The following BAP1 variants were observed in gnomAD, a reference collection of about 807,000 sequenced individuals.
The protein encoded by BAP1 is ubiquitin carboxyl-terminal hydrolase BAP1.
BAP1 carries 16 observed loss-of-function variants against 77.2 expected under a neutral mutation model. The observed-to-expected ratio is 0.21, with a 90% CI of 0.14 to 0.31. BAP1 has a LOEUF of 0.31. BAP1 is among the 10% of genes least tolerant of loss of function. The pLI, the probability that BAP1 is intolerant of heterozygous loss-of-function variation, is 1.00. For synonymous variants in BAP1, 362 were observed against 385.2 expected, an observed-to-expected ratio of 0.94 and a Z score of 0.71; for missense variants, 699 against 967.3, an observed-to-expected ratio of 0.72 and a Z score of 3.68.
In BAP1 at chr3:52,403,371, C is replaced by T. The variant is rs1274244239; in HGVS notation, c.1729+45G>A. ...TGGTCACTTGGCCACTTCCCTCCTCCCTCCTGGGTGCACCAAGTGGCCAGT... is the reference window on the plus strand; with the variant it reads ...TGGTCACTTGGCCACTTCCCTCCTCTCTCCTGGGTGCACCAAGTGGCCAGT... On this transcript the variant is annotated intron_variant, in intron 13 of 16. Transcript: ENST00000460680. The surrounding 1 kb of genome is among the most constrained non-coding windows in gnomAD (Gnocchi z 4.0). 2 of 1,612,306 alleles carry T rather than the reference C, an allele frequency of 1.2e-6. No homozygotes were observed. The highest frequency in any genetic ancestry group is 1.7e-5 in the Admixed American group (1 of 60,010).
In BAP1 at chr3:52,404,626, C is replaced by T. The variant is rs145366930; in HGVS notation, c.1117-40G>A. The T allele has an allele frequency of 2.3e-4, 365 of 1,598,418 alleles. No individual in the cohort carries two copies. Among genetic ancestry groups the T allele is most frequent in the Admixed American group, 6.6e-4 (38 of 57,174 alleles). The stretch of plus-strand genomic sequence containing the variant: ...AGGGCAGTTACAAACAAGTGCTGCT[C>T]GGCCCAGGCTGAGCCTAGACACTCA... On this transcript the variant is annotated intron_variant, in intron 11 of 16. Coordinates refer to ENST00000460680, the MANE Select transcript of BAP1 (RefSeq NM_004656.4).
rs1705018246 is a variant in BAP1 at position 52,403,092 on chromosome 3, T to A, written c.1890+46A>T. ...CACCTGGGCAGGAGGAGCTCAGGCCTTACCCTCTGCCAGGATTAAAGGAGA... is the reference window on the plus strand; with the variant it reads ...CACCTGGGCAGGAGGAGCTCAGGCCATACCCTCTGCCAGGATTAAAGGAGA... On this transcript the variant is annotated intron_variant, in intron 14 of 16. Coordinates refer to ENST00000460680, the MANE Select transcript of BAP1 (RefSeq NM_004656.4). This position sits in a 1 kb window ranked among gnomAD's most constrained non-coding sequence, Gnocchi z 4.0. 1 of 1,607,200 alleles carries A rather than the reference T, an allele frequency of 6.2e-7. No individual in the cohort carries two copies. The highest frequency in any genetic ancestry group is 1.7e-5 in the Admixed American group (1 of 60,008).
In BAP1 at chr3:52,402,507, G is replaced by A. The variant is rs965169634; in HGVS notation, c.2057-86C>T. ...CTCATGGCCCTCCCTGTGCCCCAAG[G>A]TCTGCTCAAGCCTCAGGAGAGGCCA... On this transcript the variant is annotated intron_variant, in intron 16 of 16. Coordinates refer to ENST00000460680, the MANE Select transcript of BAP1 (RefSeq NM_004656.4). This position sits in a 1 kb window ranked among gnomAD's most constrained non-coding sequence, Gnocchi z 5.3. The A allele has an allele frequency of 6.2e-7, 1 of 1,607,080 alleles. No individual in the cohort carries two copies. The highest frequency in any genetic ancestry group is 1.3e-5 in the African/African-American group (1 of 74,714).
Position 52,407,269 on chromosome 3 carries a change from A to G in BAP1, c.485T>C (p.Val162Ala), listed in dbSNP as rs2153227845. Residue 162 changes from valine (V) to alanine (A), a missense_variant, in exon 7 of 17, where the codon GTG becomes GCG. Val to Ala is a moderately conservative substitution (Grantham distance 64, BLOSUM62 0). Transcript: ENST00000460680. Reference sequence around the variant, plus strand: ...AAAGTGGAACGCCTCCATGGTCCGCACTGCACTAAGGCCATTCTGCTTCTC... The same window carrying G: ...AAAGTGGAACGCCTCCATGGTCCGCGCTGCACTAAGGCCATTCTGCTTCTC... Reference protein sequence around the residue: ...LPEKQNGLSAVRTMEAFHFVS... With the variant: ...LPEKQNGLSAARTMEAFHFVS... 1.9e-6 allele frequency: 3 copies of G among 1,614,200 alleles called. No individual in the cohort carries two copies. Among genetic ancestry groups the G allele is most frequent in the Non-Finnish European group, 2.5e-6 (3 of 1,180,038 alleles).
intron 3 of BAP1, among the ~76,000 whole-genome samples, chr3:52,409,196 T>C (rs1705271186): frequency 6.6e-6 from 1 of 152,250 alleles, no homozygotes; most frequent in Admixed American, 6.5e-5. Context: ...AGGATGACTT[T>C]GTGTCAGGAT....
rs1559591093 is a variant in BAP1, at chr3:52,407,972, C to G, written c.361G>C (p.Gly121Arg). The G allele has an allele frequency of 1.9e-6, 3 of 1,613,890 alleles. No homozygotes were observed. Among genetic ancestry groups the G allele is most frequent in the Non-Finnish European group, 1.7e-6 (2 of 1,180,002 alleles). The change falls in exon 5 of 17, where the codon GGT becomes CGT. Residue 121 changes from glycine (G) to arginine (R), a missense_variant. Gly to Arg is a moderately radical substitution (Grantham distance 125). Coordinates refer to ENST00000460680, the MANE Select transcript of BAP1 (RefSeq NM_004656.4). ...CTGCAGCCTACCTCAGGGCTGAAAC[C>G]CTTGGTGAAGTCCTTCATGCGACTC... ...TLSRMKDFTK[G>R]FSPESKGYAI... is the part of the protein sequence containing the mutation.
rs1366758553 is a variant in BAP1, at chr3:52,406,414, C to T, written c.660-38G>A. ...CCGCAGCCGTGAGAGCAGCTCCCGC[C>T]CCGGCCCCGCCATCAGGTTGAGGCA... On this transcript the variant is annotated intron_variant, in intron 8 of 16. Transcript: ENST00000460680. This position sits in a 1 kb window ranked among gnomAD's most constrained non-coding sequence, Gnocchi z 4.6. The T allele has an allele frequency of 6.2e-7, 1 of 1,609,910 alleles. No homozygotes were observed. Among genetic ancestry groups the T allele is most frequent in the Admixed American group, 1.7e-5 (1 of 59,982 alleles).
rs148631953 is a variant in BAP1 at position 52,407,253 on chromosome 3, C to G, written c.501G>C (p.Ala167=). 6.2e-7 allele frequency: 1 copy of G among 1,614,180 alleles called. No individual in the cohort carries two copies. The highest frequency in any genetic ancestry group is 8.5e-7 in the Non-Finnish European group (1 of 1,180,034). Residue 167 remains alanine (A), a synonymous_variant, in exon 7 of 17, where the codon GCG becomes GCC. Coordinates refer to ENST00000460680, the MANE Select transcript of BAP1 (RefSeq NM_004656.4). ...NGLSAVRTME[A]FHFVSYVPIT... is the part of the protein sequence containing the mutation. ...TAGGCACATAGCTGACAAAGTGGAA[C>G]GCCTCCATGGTCCGCACTGCACTAA...
Position 52,402,816 on chromosome 3 carries a change from C to T in BAP1, c.1946G>A (p.Cys649Tyr), listed in dbSNP as rs151308667. The T allele has an allele frequency of 9.4e-5, 151 of 1,614,128 alleles. 1 individual carries two copies. The highest frequency in any genetic ancestry group is 1.1e-4 in the Non-Finnish European group (135 of 1,180,060). The change falls in exon 15 of 17, where the codon TGC becomes TAC. Residue 649 changes from cysteine to tyrosine, a missense_variant. By Grantham distance (194) the Cys-to-Tyr change is radical (BLOSUM62 -2). This residue lies in a region of BAP1 where 475 missense variants were observed against 532.4 expected (regional missense o/e 0.89). Coordinates refer to ENST00000460680, the MANE Select transcript of BAP1 (RefSeq NM_004656.4). The surrounding 1 kb of genome is among the most constrained non-coding windows in gnomAD (Gnocchi z 5.3). ...CCTCTTCTCTACCTCCTCCTTGAGG[C>T]ACGCCTCATAGTTTGCAATCTCAGC... ...VEAEIANYEACLKEEVEKRKK... is the reference protein window; with the variant it reads ...VEAEIANYEAYLKEEVEKRKK...
chr3:52,407,666 G>A (rs1208517203), intron 5 of BAP1, among the ~76,000 whole-genome samples: 1 of 152,126 alleles, frequency 6.6e-6, no homozygotes, highest in East Asian at 1.9e-4. Flanking sequence ...GGTAATTAGT[G>A]GACACTAGGA....
chr3:52,407,808 A>G (rs1705213105), intron 5 of BAP1, 150 bp downstream of exon 5: 2 of 1,357,696 alleles, frequency 1.5e-6, no homozygotes, highest in Admixed American at 2.0e-5. Flanking sequence ...GCCTTACACA[A>G]TTTATTTAAG....
Position 52,402,111 on chromosome 3 carries a change from C to T in BAP1, c.*177G>A, listed in dbSNP as rs1214029715. 37 of 1,115,152 alleles carry T rather than the reference C, an allele frequency of 3.3e-5. No homozygotes were observed. Among genetic ancestry groups the T allele is most frequent in the South Asian group, 1.7e-4 (11 of 65,044 alleles). 69.1% of individuals were successfully genotyped at this position (1,115,152 alleles called of 1,614,324 possible). ...CCTGAGCACTATGGGGCTGATCTGCCGTGTCAGGCCTCAGGGCACGATGGA... is the reference window on the plus strand; with the variant it reads ...CCTGAGCACTATGGGGCTGATCTGCTGTGTCAGGCCTCAGGGCACGATGGA... On this transcript the variant is annotated 3_prime_UTR_variant, in exon 17 of 17. Coordinates refer to ENST00000460680, the MANE Select transcript of BAP1 (RefSeq NM_004656.4). This position sits in a 1 kb window ranked among gnomAD's most constrained non-coding sequence, Gnocchi z 5.3.
At chr3:52,407,925 G>C (rs201412252) in intron 5 of BAP1, 33 bp downstream of exon 5, 6 of 1,612,492 alleles carry the variant, frequency 3.7e-6, no homozygotes, top group Non-Finnish European at 5.1e-6. Context: ...TGCCCAGTTG[G>C]CTGTGAGCCA....
rs752537268 is a variant in BAP1, at chr3:52,405,948, T to C, written c.784-36A>G. 3.1e-6 allele frequency: 5 copies of C among 1,613,010 alleles called. No homozygotes were observed. The South Asian group carries it at 3.3e-5, about 11-fold the overall frequency. ...AATCCAGGGCTCAGAGGAGAAAGGG[T>C]AGACCCGGGCTTCTACCTTAAATAG... is the stretch of plus-strand genomic sequence containing the variant. On this transcript the variant is annotated intron_variant, in intron 9 of 16. Coordinates refer to ENST00000460680, the MANE Select transcript of BAP1 (RefSeq NM_004656.4).
At position 52,407,295 on chromosome 3, in the gene BAP1, A is replaced by T. The variant is rs536205982; in HGVS notation, c.459T>A (p.Pro153=). ...SHARPEPRHL[P]EKQNGLSAVR... is the part of the protein sequence containing the mutation. Reference sequence around the variant, plus strand: ...CTGCACTAAGGCCATTCTGCTTCTCAGGGAGGTGGCGTGGCTCGGGCCTGG... The same window carrying T: ...CTGCACTAAGGCCATTCTGCTTCTCTGGGAGGTGGCGTGGCTCGGGCCTGG... Residue 153 remains proline, a synonymous_variant, in exon 7 of 17, where the codon CCT becomes CCA. Transcript: ENST00000460680. 1 of 1,614,046 alleles carries T rather than the reference A, an allele frequency of 6.2e-7. No homozygotes were observed. Among genetic ancestry groups the T allele is most frequent in the Admixed American group, 1.7e-5 (1 of 60,000 alleles).
chr3:52,407,813 T>C (rs1472114824), intron 5 of BAP1, 145 bp downstream of exon 5: 2 of 1,371,338 alleles, frequency 1.5e-6, no homozygotes, highest in Non-Finnish European at 2.0e-6. Flanking sequence ...ACACAATTTA[T>C]TTAAGAGTCA....
Position 52,402,729 on chromosome 3 carries a change from C to T in BAP1, c.1983+50G>A, listed in dbSNP as rs780037860. The T allele has an allele frequency of 1.2e-6, 2 of 1,614,008 alleles. No homozygotes were observed. Among genetic ancestry groups the T allele is most frequent in the African/African-American group, 2.7e-5 (2 of 74,930 alleles). On this transcript the variant is annotated intron_variant, in intron 15 of 16. Coordinates refer to ENST00000460680, the MANE Select transcript of BAP1 (RefSeq NM_004656.4). This position sits in a 1 kb window ranked among gnomAD's most constrained non-coding sequence, Gnocchi z 5.3. ...GGAGCCAATCTTGCCAGAGCAGCCA[C>T]CAGTGGACCTCGGGAGAGGCCAGAT...
chr3:52,409,683 C>G (rs1185337533), intron 2 of BAP1, 31 bp downstream of exon 2: 1 of 1,614,184 alleles, frequency 6.2e-7, no homozygotes, highest in Non-Finnish European at 8.5e-7. Flanking sequence ...GCCGCCACAG[C>G]CCCGGTCCGG....
In BAP1 at chr3:52,405,510, A is replaced by C. The variant is rs988542529; in HGVS notation, c.932-216T>G. ...GCAGGAAGAAAAAAAAAAAAAAAAA[A>C]AAAAAAAAAAACCGCCTCTAGAGAA... On this transcript the variant is annotated intron_variant, in intron 10 of 16. Coordinates refer to ENST00000460680, the MANE Select transcript of BAP1 (RefSeq NM_004656.4). 1.1e-4 allele frequency: 66 copies of C among 619,280 alleles called. 2 individuals carry two copies. Among genetic ancestry groups the C allele is most frequent in the South Asian group, 6.5e-4 (29 of 44,934 alleles). 38.4% of individuals were successfully genotyped at this position (619,280 alleles called of 1,614,324 possible).
Sources: allele counts gnomAD v4.1 joint callset (sites outside exome capture counted in the v4.1 genomes callset), GRCh38; gene constraint gnomAD v4.1.1; regional missense constraint gnomAD v4.1.1; non-coding constraint Gnocchi (gnomAD v3.1); transcripts MANE v1.5; gene names NCBI Gene and HGNC (gene_info 2026-07-23, HGNC 2026-07-21).